P2RY8: variants seen among roughly 807,000 people sequenced by gnomAD.
The protein encoded by P2RY8 is S-geranylgeranyl-glutathione receptor P2RY8.
In P2RY8, 6 loss-of-function variants were observed where a neutral mutation model predicts 10.0. The ratio of observed to expected loss-of-function variants is 0.60; its 90% CI spans 0.33 to 1.19. P2RY8 has a LOEUF of 1.19. Among genes scored for constraint, P2RY8 ranks in the 50% most tolerant of loss-of-function variants. The pLI is 0.04. For synonymous variants in P2RY8, 276 were observed against 252.5 expected, an observed-to-expected ratio of 1.09 and a Z score of -0.88; for missense variants, 456 against 542.0, an observed-to-expected ratio of 0.84 and a Z score of 1.58.
intron 1 of P2RY8, among the ~76,000 whole-genome samples, chrX:1,499,797 A>G (rs2092156361): frequency 6.6e-6 from 1 of 151,960 alleles, no homozygotes; most frequent in South Asian, 2.1e-4. Context: ...GCAACCTGGG[A>G]TGTCTTTCTA....
At chrX:1,533,002 C>CAAAAAAAAAAAAAAAAAAAAAAAAGAA (rs56945483) in intron 1 of P2RY8, among the ~76,000 whole-genome samples, 1 of 76,064 alleles carries the variant, frequency 1.3e-5, no homozygotes, top group African/African-American at 5.6e-5. Context: ...AACTCTGTCT[C>CAAAAAAAAAAAAAAAAAAAAAAAAGAA]AAAAAAAAAA....
chrX:1,524,645 A>ACATCCATG (rs1225274481), intron 1 of P2RY8, among the ~76,000 whole-genome samples: 26,839 of 42,222 alleles, frequency 0.64, 9,633 homozygotes, highest in African/African-American at 0.75. Flanking sequence ...ATCCATCCAT[A>ACATCCATG]CATCCATCCA....
intron 1 of P2RY8, among the ~76,000 whole-genome samples, chrX:1,491,928 G>A (rs2092056163): frequency 6.6e-6 from 1 of 152,230 alleles, no homozygotes; most frequent in Non-Finnish European, 1.5e-5. Flanking sequence ...AATGCAGAGT[G>A]AATGAGTGAT....
chrX:1,493,776 GGACAA>G (rs1208039225), intron 1 of P2RY8, among the ~76,000 whole-genome samples: 4 of 152,240 alleles, frequency 2.6e-5, no homozygotes, highest in Admixed American at 6.5e-5. Flanking sequence ...CCGTTAAAAC[GGACAA>G]GACGATTTTG....
chrX:1,517,109 C>T (rs1299342154), intron 1 of P2RY8, among the ~76,000 whole-genome samples: 5 of 151,572 alleles, frequency 3.3e-5, no homozygotes, highest in African/African-American at 9.7e-5. Context: ...CCTGCCCACA[C>T]CTTAATCTTG....
At chrX:1,507,479 C>T (rs2149401052) in intron 1 of P2RY8, among the ~76,000 whole-genome samples, 1 of 152,278 alleles carries the variant, frequency 6.6e-6, no homozygotes, top group South Asian at 2.1e-4. Flanking sequence ...ATCACTGAGC[C>T]AGAAAAGCTG....
At chrX:1,473,373 GTGGGTGGGTGGGTGGA>G (rs1237728508) in intron 1 of P2RY8, among the ~76,000 whole-genome samples, 3 of 65,528 alleles carry the variant, frequency 4.6e-5, no homozygotes, top group Admixed American at 1.6e-4. Flanking sequence ...GAATGGGTGA[GTGGGTGGGTGGGTGGA>G]TGGGTGGGTG....
intron 1 of P2RY8, among the ~76,000 whole-genome samples, chrX:1,478,246 C>A (rs776382990): frequency 7.1e-6 from 1 of 141,168 alleles, no homozygotes; most frequent in Admixed American, 7.0e-5. Context: ...TGCTGGCAGG[C>A]GTATGTGTGT....
At chrX:1,468,346 G>A (rs1359888386) in intron 1 of P2RY8, among the ~76,000 whole-genome samples, 1 of 152,218 alleles carries the variant, frequency 6.6e-6, no homozygotes, top group Non-Finnish European at 1.5e-5. Flanking sequence ...CCACCCTCGT[G>A]TCTGTACCTG....
chrX:1,476,602 A>G (rs2091877026), intron 1 of P2RY8, among the ~76,000 whole-genome samples: 1 of 151,908 alleles, frequency 6.6e-6, no homozygotes, highest in African/African-American at 2.4e-5. Context: ...GAAAAAAAAA[A>G]AAGAAATATA....
intron 1 of P2RY8, among the ~76,000 whole-genome samples, chrX:1,476,764 T>C (rs2091878952): frequency 6.6e-6 from 1 of 152,102 alleles, no homozygotes; most frequent in African/African-American, 2.4e-5. Flanking sequence ...AGGATGCTAC[T>C]GGGATCTGGT....
rs2091626066 is a variant in P2RY8 at position 1,464,036 on chromosome X, G to C, written c.*1443C>G. On this transcript the variant is annotated 3_prime_UTR_variant, in exon 2 of 2. Transcript: ENST00000381297. ...GCCATAGTGATGACGGCAGGAGAGAGGCACCAATAGAGGGCCTCCGAACAG... is the reference window on the plus strand; with the variant it reads ...GCCATAGTGATGACGGCAGGAGAGACGCACCAATAGAGGGCCTCCGAACAG... The C allele has an allele frequency of 4.3e-6, 1 of 233,298 alleles. No individual in the cohort carries two copies. Among genetic ancestry groups the C allele is most frequent in the South Asian group, 1.8e-4 (1 of 5,526 alleles). The allele number at this position is 233,298 out of a possible 1,614,324, so 14.5% of individuals were successfully genotyped here.
At position 1,464,787 on chromosome X, in the gene P2RY8, G is replaced by GGT. The variant is rs113109624; in HGVS notation, c.*690_*691dup. ...ATCACCTTGGTCAGCAACAGGGTGGGGTGTGTGTGTGGGGGGAAGTGGGCA... is the reference window on the plus strand; with the variant it reads ...ATCACCTTGGTCAGCAACAGGGTGGGGTGTGTGTGTGTGGGGGGAAGTGGGCA... On this transcript the variant is annotated 3_prime_UTR_variant, in exon 2 of 2. Coordinates refer to ENST00000381297, the MANE Select transcript of P2RY8 (RefSeq NM_178129.5). The GGT allele has an allele frequency of 0.19, 44,126 of 232,684 alleles. 4,623 individuals are homozygous for GGT. Among genetic ancestry groups the GGT allele is most frequent in the Non-Finnish European group, 0.24 (28,404 of 117,870 alleles). The allele number at this position is 232,684 out of a possible 1,614,324, so 14.4% of individuals were successfully genotyped here.
At chrX:1,470,124 C>T (rs1463234295) in intron 1 of P2RY8, among the ~76,000 whole-genome samples, 1 of 152,000 alleles carries the variant, frequency 6.6e-6, no homozygotes, top group African/African-American at 2.4e-5. Flanking sequence ...TTTGGGAGGC[C>T]GAGGCAGGTG....
At chrX:1,536,258 T>G (rs758963853) in intron 1 of P2RY8, among the ~76,000 whole-genome samples, 14 of 149,892 alleles carry the variant, frequency 9.3e-5, no homozygotes, top group South Asian at 4.2e-4. Flanking sequence ...ATGGAATGAG[T>G]TTTTTTTTGT....
intron 1 of P2RY8, among the ~76,000 whole-genome samples, chrX:1,526,563 C>CA (rs2092441748): frequency 6.6e-6 from 1 of 152,022 alleles, no homozygotes; most frequent in Non-Finnish European, 1.5e-5. Flanking sequence ...AAAACTCACT[C>CA]ATTCATCCAT....
At chrX:1,469,435 G>A (rs1218307909) in intron 1 of P2RY8, among the ~76,000 whole-genome samples, 3 of 151,820 alleles carry the variant, frequency 2.0e-5, no homozygotes, top group Non-Finnish European at 4.4e-5. Context: ...CTAAAGTGCT[G>A]GGATGACAGT....
intron 1 of P2RY8, among the ~76,000 whole-genome samples, chrX:1,481,443 C>T (rs1403165073): frequency 4.6e-5 from 7 of 152,282 alleles, no homozygotes; most frequent in Admixed American, 1.3e-4. Flanking sequence ...GGATTACAGG[C>T]GTGAGCCACC....
In P2RY8 at chrX:1,465,870, T is replaced by C. The variant is rs1326059407; in HGVS notation, c.689A>G (p.Glu230Gly). 1 of 1,612,454 alleles carries C rather than the reference T, an allele frequency of 6.2e-7. No homozygotes were observed. Residue 230 changes from glutamate to glycine, a missense_variant, in exon 2 of 2, where the codon GAG becomes GGG. By Grantham distance (98) the Glu-to-Gly change is moderately conservative. Transcript: ENST00000381297. Reference sequence around the variant, plus strand: ...CAGGCCCACCGCGCGCCTCCGCTGCTCCCGGCCGTGCGCCTCCTCCGTGCG... The same window carrying C: ...CAGGCCCACCGCGCGCCTCCGCTGCCCCCGGCCGTGCGCCTCCTCCGTGCG... ...LLRTEEAHGR[E>G]QRRRAVGLAA... is the part of the protein sequence containing the mutation.
Sources: allele counts gnomAD v4.1 joint callset (sites outside exome capture counted in the v4.1 genomes callset), GRCh38; gene constraint gnomAD v4.1.1; transcripts MANE v1.5; gene names NCBI Gene and HGNC (gene_info 2026-07-23, HGNC 2026-07-21).